The following ERG28 variants were observed in gnomAD, a reference collection of about 807,000 sequenced individuals.
ERG28 encodes ergosterol biosynthesis 28 homolog, also known as ergosterol biosynthetic protein 28 homolog.
A neutral mutation model predicts 15.7 loss-of-function variants in ERG28; 9 were observed. The observed-to-expected ratio is 0.57, with a 90% CI of 0.35 to 1.00. ERG28 has a LOEUF of 1.00. Among genes scored for constraint, ERG28 ranks in the 50% least tolerant of loss-of-function variants. The pLI, the probability that ERG28 is intolerant of heterozygous loss-of-function variation, is 0.02. For synonymous variants in ERG28, 61 were observed against 68.4 expected (o/e 0.89, Z 0.53); for missense variants, 117 against 173.3 (o/e 0.68, Z 1.82).
At position 75,654,858 on chromosome 14, in the gene ERG28, T is replaced by A. The variant is rs1193543756; in HGVS notation, c.224+28A>T. On this transcript the variant is annotated intron_variant, in intron 3 of 4. Coordinates refer to ENST00000256319, the MANE Select transcript of ERG28 (RefSeq NM_007176.4). ...TCGCATCTGATTTCCAACAAAAGGATGCTAAAGCTCTTCCTTCCCTTACAT... is the reference window on the plus strand; with the variant it reads ...TCGCATCTGATTTCCAACAAAAGGAAGCTAAAGCTCTTCCTTCCCTTACAT... 1.9e-6 allele frequency: 3 copies of A among 1,582,894 alleles called. No homozygotes were observed. The African/African-American group carries it at 4.0e-5, about 21-fold the overall frequency.
intron 1 of ERG28, among the ~76,000 whole-genome samples, chr14:75,659,105 A>G (rs1890635753): frequency 6.6e-6 from 1 of 152,116 alleles, no homozygotes; most frequent in Admixed American, 6.5e-5. Context: ...AGGCACTATT[A>G]ATATTTCCAT....
chr14:75,653,428 C>T (rs1890555685), intron 3 of ERG28, among the ~76,000 whole-genome samples: 1 of 151,594 alleles, frequency 6.6e-6, no homozygotes, highest in Non-Finnish European at 1.5e-5. Flanking sequence ...ATGGTGAGAA[C>T]CTGTCTCTAC....
At chr14:75,660,397 TTAG>T (rs1407827300) in intron 1 of ERG28, among the ~76,000 whole-genome samples, 1 of 152,164 alleles carries the variant, frequency 6.6e-6, no homozygotes, top group Admixed American at 6.5e-5. Context: ...GCCCTACCAC[TTAG>T]TAGCTGTGTG....
At chr14:75,658,399 C>G (rs1890625578) in intron 1 of ERG28, among the ~76,000 whole-genome samples, 1 of 152,032 alleles carries the variant, frequency 6.6e-6, no homozygotes, top group African/African-American at 2.4e-5. Flanking sequence ...TTGAGATAAG[C>G]AATATTAAAA....
Position 75,651,841 on chromosome 14 carries a change from G to C in ERG28, c.273C>G (p.Phe91Leu). ...LWTFLLALGH[F>L]LSELFVYGTA... ...TTCCATAGACAAACAACTCAGAGAG[G>C]AAATGCCCCAGGGCAAGGAGGAAGG... is the stretch of plus-strand genomic sequence containing the variant. Residue 91 changes from phenylalanine (F) to leucine (L), a missense_variant, in exon 4 of 5, where the codon TTC becomes TTG. Phe to Leu is a conservative substitution (Grantham distance 22, BLOSUM62 0). Transcript: ENST00000256319. 6.2e-7 allele frequency: 1 copy of C among 1,614,142 alleles called. No individual in the cohort carries two copies. The highest frequency in any genetic ancestry group is 8.5e-7 in the Non-Finnish European group (1 of 1,179,980).
chr14:75,652,013 C>T, intron 3 of ERG28, 124 bp from the exon 4 acceptor site: 2 of 834,772 alleles, frequency 2.4e-6, no homozygotes, highest in Non-Finnish European at 3.8e-6. Flanking sequence ...AGAAAGGACA[C>T]TTGTTCCTGA....
chr14:75,659,635 A>C (rs1890651559), intron 1 of ERG28, among the ~76,000 whole-genome samples: 1 of 152,052 alleles, frequency 6.6e-6, no homozygotes, highest in Admixed American at 6.6e-5. Context: ...GATTTAAATA[A>C]AACCAAAATA....
chr14:75,656,313 CACACACACACAT>C (rs1383665997), intron 2 of ERG28, among the ~76,000 whole-genome samples: 33 of 144,938 alleles, frequency 2.3e-4, no homozygotes, highest in African/African-American at 7.1e-4. Flanking sequence ...CACACACACA[CACACACACACAT>C]AAAGTTCTGC....
rs1446107170 is a variant in ERG28, at chr14:75,651,793, G to T, written c.321C>A (p.Val107=). 1 of 1,613,860 alleles carries T rather than the reference G, an allele frequency of 6.2e-7. No homozygotes were observed. Among genetic ancestry groups the T allele is most frequent in the African/African-American group, 1.3e-5 (1 of 74,936 alleles). The change falls in exon 4 of 5, where the codon GTC becomes GTA. Residue 107 remains valine (V), a synonymous_variant. Transcript: ENST00000256319. The part of the protein sequence containing the change: ...VYGTAAPTIG[V]LAPLMVASFS... ...TACTTGCCACCATCAGGGGTGCCAGGACGCCAATCGTGGGAGCTGCAGTTC... is the reference window on the plus strand; with the variant it reads ...TACTTGCCACCATCAGGGGTGCCAGTACGCCAATCGTGGGAGCTGCAGTTC...
intron 3 of ERG28, among the ~76,000 whole-genome samples, chr14:75,653,126 A>G (rs1890550928): frequency 6.6e-6 from 1 of 151,992 alleles, no homozygotes. Context: ...CGCCTGGCCC[A>G]TTGTGGAAAC....
Position 75,657,551 on chromosome 14 carries a change from A to G in ERG28, c.-31-18T>C, listed in dbSNP as rs760745359. The G allele has an allele frequency of 3.1e-6, 5 of 1,608,894 alleles. No homozygotes were observed. Among genetic ancestry groups the G allele is most frequent in the African/African-American group, 1.3e-5 (1 of 74,706 alleles). Reference sequence around the variant, plus strand: ...CTTTTTGCCTTGGAAACAAAGGCAGAGGACATGAGACAATGAGGGCCAGTC... The same window carrying G: ...CTTTTTGCCTTGGAAACAAAGGCAGGGGACATGAGACAATGAGGGCCAGTC... On this transcript the variant is annotated intron_variant, in intron 1 of 4. Coordinates refer to ENST00000256319, the MANE Select transcript of ERG28 (RefSeq NM_007176.4).
In ERG28 at chr14:75,651,824, A is replaced by ACAAACAAC. The variant is rs1270560157; in HGVS notation, c.282_289dup (p.Val97GlyfsTer18). On this transcript the variant is annotated frameshift_variant, in exon 4 of 5. Coordinates refer to ENST00000256319, the MANE Select transcript of ERG28 (RefSeq NM_007176.4). LOFTEE classifies it high-confidence loss of function. ...AATCGTGGGAGCTGCAGTTCCATAG[A>ACAAACAAC]CAAACAACTCAGAGAGGAAATGCCC... is the stretch of plus-strand genomic sequence containing the variant. 1 of 1,614,092 alleles carries ACAAACAAC rather than the reference A, an allele frequency of 6.2e-7. No individual in the cohort carries two copies. The highest frequency in any genetic ancestry group is 1.3e-5 in the African/African-American group (1 of 74,926).
intron 1 of ERG28, among the ~76,000 whole-genome samples, chr14:75,658,450 C>T (rs1237664300): frequency 6.6e-6 from 1 of 152,146 alleles, no homozygotes; most frequent in Non-Finnish European, 1.5e-5. Flanking sequence ...GACTACCTGA[C>T]CCCTGTTCCA....
In ERG28 at chr14:75,654,981, G is replaced by A. The variant is rs188936011; in HGVS notation, c.134-5C>T. ...TCCGAGCTTGGAGGCCATTCACTGT[G>A]TAGCAGAAAAAAGCAAGAGTGTTCA... On this transcript the variant is annotated splice_region_variant and splice_polypyrimidine_tract_variant and intron_variant, in intron 2 of 4. Transcript: ENST00000256319. 1.2e-3 allele frequency: 1,933 copies of A among 1,613,090 alleles called. 18 individuals are homozygous for A. In the Middle Eastern group the frequency reaches 0.033, roughly 28 times the overall value.
chr14:75,656,125 G>A (rs892332235), intron 2 of ERG28, among the ~76,000 whole-genome samples: 2 of 152,050 alleles, frequency 1.3e-5, no homozygotes, highest in South Asian at 2.1e-4. Context: ...GACTAAGGAC[G>A]TTTCTCTAGT....
In ERG28 at chr14:75,654,990, A is replaced by C. The variant is rs749645990; in HGVS notation, c.134-14T>G. On this transcript the variant is annotated splice_polypyrimidine_tract_variant and intron_variant, in intron 2 of 4. Transcript: ENST00000256319. ...GGAGGCCATTCACTGTGTAGCAGAA[A>C]AAAGCAAGAGTGTTCAGAAGGGGAG... is the stretch of plus-strand genomic sequence containing the variant. 3 of 1,608,060 alleles carry C rather than the reference A, an allele frequency of 1.9e-6. No homozygotes were observed. Among genetic ancestry groups the C allele is most frequent in the Non-Finnish European group, 2.6e-6 (3 of 1,174,492 alleles).
intron 2 of ERG28, 50 bp from the exon 3 acceptor site, chr14:75,655,026 C>T (rs533384833): frequency 1.3e-6 from 2 of 1,532,892 alleles, no homozygotes; most frequent in Admixed American, 1.7e-5. Flanking sequence ...ACTTGAGGTT[C>T]CTTCCAAACT....
rs763760539 is a variant in ERG28 at position 75,651,747 on chromosome 14, G to A, written c.343+24C>T. On this transcript the variant is annotated intron_variant, in intron 4 of 4. Coordinates refer to ENST00000256319, the MANE Select transcript of ERG28 (RefSeq NM_007176.4). ...TAGAGCTGGCACAGCTCCTGTAGGA[G>A]GTCTAGGGTGGTTGGATGCTTACTT... 5.6e-6 allele frequency: 9 copies of A among 1,598,064 alleles called. No individual in the cohort carries two copies. The African/African-American group carries it at 1.1e-4, about 19-fold the overall frequency.
intron 3 of ERG28, among the ~76,000 whole-genome samples, chr14:75,654,044 A>C (rs1298289491): frequency 6.6e-6 from 1 of 152,220 alleles, no homozygotes; most frequent in Non-Finnish European, 1.5e-5. Context: ...CTGTATCTCT[A>C]ATATTTAGAT....
Sources: allele counts gnomAD v4.1 joint callset (sites outside exome capture counted in the v4.1 genomes callset), GRCh38; gene constraint gnomAD v4.1.1; transcripts MANE v1.5; gene names NCBI Gene and HGNC (gene_info 2026-07-23, HGNC 2026-07-21).